MAML3: variants seen among roughly 807,000 people sequenced by gnomAD.
The protein encoded by MAML3 is mastermind-like protein 3.
Under a neutral mutation model 101.9 loss-of-function variants are expected in MAML3, and 27 were observed. That is an observed-to-expected ratio of 0.27 (90% CI 0.20 to 0.37). The LOEUF (loss-of-function observed/expected upper bound fraction) is 0.37, where lower values mean the gene tolerates loss of function less well. Ranked by LOEUF, MAML3 falls within the 10% of genes least tolerant of loss-of-function variation. The probability of loss-of-function intolerance (pLI) is 1.00; values close to 1 mark genes in which losing one functional copy is unlikely to be tolerated. For synonymous variants in MAML3, 501 were observed against 555.9 expected (o/e 0.90, Z 1.39); for missense variants, 1,316 against 1,444.9 (o/e 0.91, Z 1.45).
At chr4:140,133,715 G>A (rs1728835093) in intron 1 of MAML3, among the ~76,000 whole-genome samples, 1 of 152,136 alleles carries the variant, frequency 6.6e-6, no homozygotes. Flanking sequence ...CTGTAGCAAA[G>A]GTAGAACAGT....
intron 2 of MAML3, among the ~76,000 whole-genome samples, chr4:139,805,690 A>G (rs1730688671): frequency 6.6e-6 from 1 of 152,212 alleles, no homozygotes; most frequent in Non-Finnish European, 1.5e-5. Context: ...TAGATTTAAT[A>G]TAATTCAAAT....
At chr4:140,070,143 T>A (rs1022451515) in intron 1 of MAML3, among the ~76,000 whole-genome samples, 2 of 151,596 alleles carry the variant, frequency 1.3e-5, no homozygotes, top group African/African-American at 4.9e-5. Context: ...AATAAATAAA[T>A]AAAAATCTAA....
At chr4:139,872,468 T>C (rs1047699611) in intron 2 of MAML3, among the ~76,000 whole-genome samples, 4 of 152,188 alleles carry the variant, frequency 2.6e-5, no homozygotes, top group Admixed American at 2.0e-4. Context: ...GTGGACAGCA[T>C]AGGGCATAGA....
intron 1 of MAML3, among the ~76,000 whole-genome samples, chr4:140,038,648 C>T (rs1396050632): frequency 6.6e-6 from 1 of 152,194 alleles, no homozygotes; most frequent in African/African-American, 2.4e-5. Flanking sequence ...CCCTGTACCT[C>T]AGCTTCCCCA....
chr4:139,923,106 A>G (rs575759407), intron 1 of MAML3, among the ~76,000 whole-genome samples: 3 of 152,330 alleles, frequency 2.0e-5, no homozygotes, highest in Non-Finnish European at 4.4e-5. Flanking sequence ...TCTCTAGACT[A>G]GCACATTTTG....
chr4:139,768,401 T>A (rs1729909474), intron 2 of MAML3, among the ~76,000 whole-genome samples: 1 of 152,180 alleles, frequency 6.6e-6, no homozygotes. Flanking sequence ...AAATATCAGG[T>A]TCTTGTAAAA....
chr4:140,098,901 T>G (rs1034148077), intron 1 of MAML3, among the ~76,000 whole-genome samples: 1 of 152,242 alleles, frequency 6.6e-6, no homozygotes, highest in African/African-American at 2.4e-5. Flanking sequence ...ATACCCTCTA[T>G]TCAGAGGAAG....
At chr4:140,026,342 C>T (rs1408807434) in intron 1 of MAML3, among the ~76,000 whole-genome samples, 1 of 152,154 alleles carries the variant, frequency 6.6e-6, no homozygotes, top group East Asian at 1.9e-4. Flanking sequence ...GCAACCTCCA[C>T]CTCCCAGGTT....
At chr4:139,762,010 T>C (rs867584154) in intron 2 of MAML3, among the ~76,000 whole-genome samples, 8 of 151,544 alleles carry the variant, frequency 5.3e-5, no homozygotes, top group Admixed American at 2.0e-4. Context: ...GCTAGAGAGG[T>C]TGGATGGACC....
chr4:139,970,401 G>A (rs1444129140), intron 1 of MAML3, among the ~76,000 whole-genome samples: 1 of 152,160 alleles, frequency 6.6e-6, no homozygotes, highest in Non-Finnish European at 1.5e-5. Flanking sequence ...GAGGACTATG[G>A]TGACAGGGAG....
chr4:139,730,324 G>T (rs1728648413), intron 3 of MAML3, 92 bp downstream of exon 3: 9 of 1,110,372 alleles, frequency 8.1e-6, no homozygotes, highest in Non-Finnish European at 1.2e-5. Flanking sequence ...CTTGATGGAG[G>T]ATGTGAACTG....
intron 1 of MAML3, among the ~76,000 whole-genome samples, chr4:140,143,543 A>G (rs894222746): frequency 5.3e-5 from 8 of 152,148 alleles, no homozygotes; most frequent in Non-Finnish European, 1.2e-4. Flanking sequence ...CGGGCGGATC[A>G]TGAGGTCAGG....
chr4:139,875,497 C>A (rs1331083318), intron 2 of MAML3, among the ~76,000 whole-genome samples: 2 of 152,130 alleles, frequency 1.3e-5, no homozygotes, highest in African/African-American at 4.8e-5. Flanking sequence ...CAGCTGCACA[C>A]CTTTCTTTCT....
chr4:139,818,572 G>A (rs1184888491), intron 2 of MAML3, among the ~76,000 whole-genome samples: 2 of 152,160 alleles, frequency 1.3e-5, no homozygotes, highest in Non-Finnish European at 2.9e-5. Flanking sequence ...ACATTTTAGA[G>A]GTTCCCCAGG....
chr4:139,878,245 G>A (rs1017204595), intron 2 of MAML3, among the ~76,000 whole-genome samples: 10 of 152,028 alleles, frequency 6.6e-5, no homozygotes, highest in East Asian at 1.9e-4. Flanking sequence ...GGTCTATCTC[G>A]AAGCTCAGTT....
At chr4:139,906,894 C>T (rs1387860760) in intron 1 of MAML3, among the ~76,000 whole-genome samples, 1 of 151,240 alleles carries the variant, frequency 6.6e-6, no homozygotes, top group Non-Finnish European at 1.5e-5. Context: ...TTTGTAATAA[C>T]AATTGATGAC....
chr4:139,992,642 C>T (rs531386900), intron 1 of MAML3, among the ~76,000 whole-genome samples: 1 of 152,208 alleles, frequency 6.6e-6, no homozygotes, highest in East Asian at 1.9e-4. Context: ...CCTTCTGCCT[C>T]AGCCTCTCGG....
At chr4:139,843,525 C>T (rs1229966372) in intron 2 of MAML3, among the ~76,000 whole-genome samples, 1 of 152,162 alleles carries the variant, frequency 6.6e-6, no homozygotes, top group African/African-American at 2.4e-5. Flanking sequence ...AAAAGTAAAA[C>T]CCAAAACCTG....
At chr4:139,780,751 C>T (rs1730186099) in intron 2 of MAML3, among the ~76,000 whole-genome samples, 1 of 151,914 alleles carries the variant, frequency 6.6e-6, no homozygotes, top group South Asian at 2.1e-4. Context: ...ATGTCTCAGC[C>T]TCCTGAGCAG....
Sources: allele counts gnomAD v4.1 joint callset (sites outside exome capture counted in the v4.1 genomes callset), GRCh38; gene constraint gnomAD v4.1.1; transcripts MANE v1.5; gene names NCBI Gene and HGNC (gene_info 2026-07-23, HGNC 2026-07-21).